CLEC16A: variants seen among roughly 807,000 people sequenced by gnomAD.
CLEC16A encodes C-type lectin domain containing 16A.
In CLEC16A, 51 loss-of-function variants were observed where a neutral mutation model predicts 109.5. The observed-to-expected ratio is 0.47, with a 90% CI of 0.37 to 0.59. The LOEUF (loss-of-function observed/expected upper bound fraction) is 0.59. CLEC16A is among the 20% of genes least tolerant of loss of function. The pLI is 0.00. For missense variants in CLEC16A, 1,339 were observed against 1,394.0 expected, an observed-to-expected ratio of 0.96 and a Z score of 0.63; for synonymous variants, 673 against 564.2, an observed-to-expected ratio of 1.19 and a Z score of -2.73.
chr16:11,044,801 G>A (rs896279099), intron 16 of CLEC16A, among the ~76,000 whole-genome samples: 14 of 151,674 alleles, frequency 9.2e-5, no homozygotes, highest in East Asian at 1.9e-4. Context: ...TGGCGCATGC[G>A]TGTAATTGCA....
At chr16:11,091,817 C>T (rs540842828) in intron 19 of CLEC16A, among the ~76,000 whole-genome samples, 2 of 152,222 alleles carry the variant, frequency 1.3e-5, no homozygotes, top group East Asian at 3.9e-4. Flanking sequence ...TTCTGGTAAC[C>T]CACGGGTAGC....
chr16:11,082,248 C>T (rs969651201), intron 19 of CLEC16A, among the ~76,000 whole-genome samples: 1 of 152,176 alleles, frequency 6.6e-6, no homozygotes, highest in African/African-American at 2.4e-5. Flanking sequence ...GAAATCGCGA[C>T]GGCGTGCTCT....
At chr16:10,981,238 A>T (rs930094525) in intron 9 of CLEC16A, among the ~76,000 whole-genome samples, 1 of 152,230 alleles carries the variant, frequency 6.6e-6, no homozygotes, top group African/African-American at 2.4e-5. Flanking sequence ...CAAGGTACGT[A>T]ACGGATATTT....
intron 22 of CLEC16A, among the ~76,000 whole-genome samples, chr16:11,128,040 A>G (rs576510546): frequency 1.0e-3 from 153 of 152,292 alleles, no homozygotes; most frequent in African/African-American, 3.4e-3. Flanking sequence ...AAGTAAATAT[A>G]AAGTGTGACT....
rs1266049465 is a variant in CLEC16A, at chr16:10,944,680, T to A, written c.-38T>A. ...GCTGGGCCGCTCTGCTGGTCCGGCA[T>A]GAGACCGTGAGACGAGAGACGGGTC... On this transcript the variant is annotated 5_prime_UTR_variant, in exon 1 of 24. It removes an upstream start codon present in the reference 5' UTR. Coordinates refer to ENST00000409790, the MANE Select transcript of CLEC16A (RefSeq NM_015226.3). 1 of 1,575,324 alleles carries A rather than the reference T, an allele frequency of 6.3e-7. No homozygotes were observed. Among genetic ancestry groups the A allele is most frequent in the Non-Finnish European group, 8.6e-7 (1 of 1,157,384 alleles).
In CLEC16A at chr16:11,091,515, G is replaced by T. The variant is rs552559749; in HGVS notation, c.2117-29100G>T. ...CTCAGGCCTCCCCCACCTCTGCAGG[G>T]CTGTCCTGAGGGGCTGGCACTGCAC... On this transcript the variant is annotated intron_variant, in intron 19 of 23. Transcript: ENST00000409790. Among the ~76,000 whole-genome samples the T allele has an allele frequency of 3.9e-5, 6 of 152,316 alleles. No homozygotes were observed. In the South Asian group the frequency reaches 1.2e-3, roughly 32 times the overall value.
At chr16:11,078,406 G>C (rs906039867) in intron 19 of CLEC16A, among the ~76,000 whole-genome samples, 1 of 152,212 alleles carries the variant, frequency 6.6e-6, no homozygotes, top group Non-Finnish European at 1.5e-5. Flanking sequence ...CTCAGTGTCT[G>C]CTTTGCTGCT....
Position 11,039,954 on chromosome 16 carries a change from G to A in CLEC16A, c.1660+78G>A, listed in dbSNP as rs2047231228. Reference sequence around the variant, plus strand: ...GACCCCACTGGGAGCCTGAGCCCTGGGTGCTAGGCCTGAGCCTTCTGAGAA... The same window carrying A: ...GACCCCACTGGGAGCCTGAGCCCTGAGTGCTAGGCCTGAGCCTTCTGAGAA... On this transcript the variant is annotated intron_variant, in intron 14 of 23. Coordinates refer to ENST00000409790, the MANE Select transcript of CLEC16A (RefSeq NM_015226.3). The A allele has an allele frequency of 7.2e-6, 11 of 1,532,706 alleles. No homozygotes were observed. In the Admixed American group the frequency reaches 8.0e-5, roughly 11 times the overall value. 94.9% of individuals were successfully genotyped at this position (1,532,706 alleles called of 1,614,324 possible).
chr16:11,028,310 C>T (rs1291603013), intron 13 of CLEC16A, among the ~76,000 whole-genome samples: 5 of 152,122 alleles, frequency 3.3e-5, no homozygotes, highest in Admixed American at 2.6e-4. Flanking sequence ...CGTCTGAAAT[C>T]GGCACATTCC....
chr16:10,991,839 A>C (rs958850578), intron 10 of CLEC16A, among the ~76,000 whole-genome samples: 14 of 152,300 alleles, frequency 9.2e-5, no homozygotes, highest in Admixed American at 8.5e-4. Flanking sequence ...GCAAGAAGGG[A>C]GCATTTTGCT....
intron 19 of CLEC16A, among the ~76,000 whole-genome samples, chr16:11,113,470 G>A (rs1477358040): frequency 1.3e-5 from 2 of 152,072 alleles, no homozygotes; most frequent in African/African-American, 4.8e-5. Context: ...TCCAGCCTGG[G>A]CAACATGGCA....
At chr16:11,020,146 G>C (rs552988990) in intron 11 of CLEC16A, 47 bp from the exon 12 acceptor site, 5 of 1,561,832 alleles carry the variant, frequency 3.2e-6, no homozygotes, top group Non-Finnish European at 3.5e-6. Flanking sequence ...TAAATCTAGG[G>C]CTGAAAAGCT....
intron 23 of CLEC16A, among the ~76,000 whole-genome samples, chr16:11,175,775 T>G (rs917536169): frequency 1.3e-5 from 2 of 152,246 alleles, no homozygotes; most frequent in Admixed American, 6.5e-5. Context: ...GGTTTGCTCT[T>G]TTTGATATAT....
In CLEC16A at chr16:11,126,173, C is replaced by T. The variant is rs770675590; in HGVS notation, c.2641+27C>T. On this transcript the variant is annotated intron_variant, in intron 22 of 23. Transcript: ENST00000409790. ...TGAGCCAGCCCCCCGCCCTGCGCCA[C>T]AGCTCGTTCATCATGGTGGGCGTTC... 1.6e-5 allele frequency: 26 copies of T among 1,613,480 alleles called. No individual in the cohort carries two copies. The East Asian group carries it at 4.7e-4, about 29-fold the overall frequency.
chr16:11,125,511 C>A (rs2052741032), intron 21 of CLEC16A, among the ~76,000 whole-genome samples: 1 of 152,232 alleles, frequency 6.6e-6, no homozygotes. Flanking sequence ...TAAACACCCA[C>A]TCAGAGTTAC....
At chr16:10,986,731 A>G (rs9936979) in intron 10 of CLEC16A, among the ~76,000 whole-genome samples, 62,318 of 150,106 alleles carry the variant, frequency 0.42, 14,471 homozygotes, top group East Asian at 0.7. Flanking sequence ...TTAAGGCTCA[A>G]TGTGTGTGTG....
intron 4 of CLEC16A, 51 bp downstream of exon 4, chr16:10,969,360 T>A: frequency 1.2e-6 from 1 of 802,100 alleles, no homozygotes; most frequent in Non-Finnish European, 1.7e-6. Context: ...CACGTGGCTT[T>A]TTTTTTTTTT....
At chr16:11,084,852 G>A (rs1287412404) in intron 19 of CLEC16A, among the ~76,000 whole-genome samples, 3 of 152,208 alleles carry the variant, frequency 2.0e-5, no homozygotes, top group Non-Finnish European at 2.9e-5. Flanking sequence ...GGTAGCCGGG[G>A]CTGGGTGGTG....
chr16:11,044,013 C>A lies in CLEC16A; in HGVS notation c.1771-15C>A. ...TGAGACCTGCCTCCTTCACACCTTC[C>A]TTCTCTTTTAACAGGGTGCGAGAGA... On this transcript the variant is annotated splice_polypyrimidine_tract_variant and intron_variant, in intron 15 of 23. Coordinates refer to ENST00000409790, the MANE Select transcript of CLEC16A (RefSeq NM_015226.3). 1 of 1,595,364 alleles carries A rather than the reference C, an allele frequency of 6.3e-7. No homozygotes were observed. Among genetic ancestry groups the A allele is most frequent in the Non-Finnish European group, 8.5e-7 (1 of 1,169,854 alleles).
Sources: allele counts gnomAD v4.1 joint callset (sites outside exome capture counted in the v4.1 genomes callset), GRCh38; gene constraint gnomAD v4.1.1; transcripts MANE v1.5; gene names NCBI Gene and HGNC (gene_info 2026-07-23, HGNC 2026-07-21).